The following ADARB1 variants were observed in gnomAD, a reference collection of about 807,000 sequenced individuals.
The protein encoded by ADARB1 is adenosine deaminase RNA specific B1.
ADARB1 carries 10 observed loss-of-function variants against 52.4 expected under a neutral mutation model. The observed-to-expected ratio is 0.19, with a 90% CI of 0.12 to 0.32. ADARB1 has a LOEUF of 0.32. ADARB1 is among the 10% of genes least tolerant of loss of function. The pLI is 1.00. For synonymous variants in ADARB1, 349 were observed against 371.1 expected (o/e 0.94, Z 0.68); for missense variants, 643 against 922.3 (o/e 0.70, Z 3.92).
At chr21:45,084,155 G>A (rs374430089) in intron 1 of ADARB1, among the ~76,000 whole-genome samples, 1 of 152,178 alleles carries the variant, frequency 6.6e-6, no homozygotes. Flanking sequence ...TGTAGAATGA[G>A]GGCAGTTGAA....
At chr21:45,193,936 TC>T (rs2092364616) in intron 8 of ADARB1, among the ~76,000 whole-genome samples, 1 of 152,146 alleles carries the variant, frequency 6.6e-6, no homozygotes, top group Admixed American at 6.5e-5. Context: ...GCAATCCTAA[TC>T]AAAATCTCAA....
chr21:45,161,505 GGCACCCCCAGACTTT>G (rs2090967059), intron 2 of ADARB1, among the ~76,000 whole-genome samples: 2 of 152,186 alleles, frequency 1.3e-5, no homozygotes, highest in African/African-American at 4.8e-5. Context: ...CTGCTGCCTC[GGCACCCCCAGACTTT>G]GGGTGCTGAC....
rs771516297 is a variant in ADARB1 at position 45,220,744 on chromosome 21, G to A, written c.1748-92G>A. On this transcript the variant is annotated intron_variant, in intron 9 of 10. Coordinates refer to ENST00000348831, the MANE Select transcript of ADARB1 (RefSeq NM_001112.4). The surrounding 1 kb of genome is among the most constrained non-coding windows in gnomAD (Gnocchi z 6.3). ...AATTCCCCCACCACGCACTTCTGTG[G>A]CCATGTCTGAGCACAGTGTGCCGCC... 7.2e-7 allele frequency: 1 copy of A among 1,385,832 alleles called. No homozygotes were observed. Among genetic ancestry groups the A allele is most frequent in the Non-Finnish European group, 1.0e-6 (1 of 995,608 alleles). The allele number at this position is 1,385,832 out of a possible 1,614,324, so 85.8% of individuals were successfully genotyped here. A position where few individuals can be genotyped will look rare whatever the true frequency, so the allele number is the denominator to read the frequency against.
intron 2 of ADARB1, among the ~76,000 whole-genome samples, chr21:45,168,598 T>C (rs760491920): frequency 2.0e-5 from 3 of 152,224 alleles, no homozygotes; most frequent in African/African-American, 7.2e-5. Flanking sequence ...CCAAAATCAG[T>C]TGGACATATT....
At chr21:45,203,380 C>G (rs1459854820) in intron 8 of ADARB1, among the ~76,000 whole-genome samples, 11 of 152,224 alleles carry the variant, frequency 7.2e-5, no homozygotes, top group Non-Finnish European at 1.6e-4. Flanking sequence ...CCCGCCCTTT[C>G]TCCCAAATTG....
At chr21:45,215,925 T>A (rs2092853980) in intron 9 of ADARB1, among the ~76,000 whole-genome samples, 1 of 152,212 alleles carries the variant, frequency 6.6e-6, no homozygotes, top group African/African-American at 2.4e-5. Context: ...TATGGTTAAA[T>A]TCACCAGTGA....
At chr21:45,090,367 C>A (rs1010152474) in intron 1 of ADARB1, among the ~76,000 whole-genome samples, 1 of 151,904 alleles carries the variant, frequency 6.6e-6, no homozygotes, top group African/African-American at 2.4e-5. Flanking sequence ...TCATTTTTTT[C>A]ATGTAGTTTA....
In ADARB1 at chr21:45,176,720, C is replaced by T. The variant is rs964474601; in HGVS notation, c.963+56C>T. ...GGGGTCATTGCTCTTGGTAATGCTTCTAGACAGCATTTTAGTTTCAGGATT... is the reference window on the plus strand; with the variant it reads ...GGGGTCATTGCTCTTGGTAATGCTTTTAGACAGCATTTTAGTTTCAGGATT... On this transcript the variant is annotated intron_variant, in intron 4 of 10. Transcript: ENST00000348831. This position sits in a 1 kb window ranked among gnomAD's most constrained non-coding sequence, Gnocchi z 5.8. 5.4e-6 allele frequency: 8 copies of T among 1,491,932 alleles called. 1 individual carries two copies. Among genetic ancestry groups the T allele is most frequent in the Non-Finnish European group, 7.2e-6 (8 of 1,106,088 alleles). The allele number at this position is 1,491,932 out of a possible 1,614,324, so 92.4% of individuals were successfully genotyped here.
intron 5 of ADARB1, 68 bp downstream of exon 5, chr21:45,180,512 T>C (rs2091892151): frequency 1.5e-6 from 2 of 1,342,986 alleles, no homozygotes; most frequent in Non-Finnish European, 2.1e-6. Context: ...ATGTTCTCAA[T>C]CGACAAAAAC....
chr21:45,176,281 T>C lies in ADARB1; in HGVS notation c.580T>C (p.Ser194Pro), dbSNP rs2091691756. 1 of 1,614,164 alleles carries C rather than the reference T, an allele frequency of 6.2e-7. No individual in the cohort carries two copies. The highest frequency in any genetic ancestry group is 8.5e-7 in the Non-Finnish European group (1 of 1,180,020). The stretch of plus-strand genomic sequence containing the variant: ...GGCGGAGCCTCCCTTTTACGTGGGC[T>C]CCAATGGGGATGACTCCTTCAGTTC... ...DKAEPPFYVG[S>P]NGDDSFSSSG... The change falls in exon 4 of 11, where the codon TCC (serine) becomes CCC (proline). Residue 194 changes from serine (S) to proline (P), a missense_variant. Ser to Pro is a moderately conservative substitution (Grantham distance 74, BLOSUM62 -1). Transcript: ENST00000348831. The surrounding 1 kb of genome is among the most constrained non-coding windows in gnomAD (Gnocchi z 5.8).
At chr21:45,151,534 T>C (rs2090289045) in intron 2 of ADARB1, among the ~76,000 whole-genome samples, 1 of 152,210 alleles carries the variant, frequency 6.6e-6, no homozygotes, top group Non-Finnish European at 1.5e-5. Context: ...CTTCTTCTGC[T>C]TGACTCCTCC....
At chr21:45,078,839 T>C (rs575999999) in intron 1 of ADARB1, among the ~76,000 whole-genome samples, 21 of 152,216 alleles carry the variant, frequency 1.4e-4, no homozygotes, top group Non-Finnish European at 8.8e-5. Context: ...TGCCAGGCTG[T>C]TTTAAGAGCT....
intron 1 of ADARB1, among the ~76,000 whole-genome samples, chr21:45,086,491 C>T (rs952591739): frequency 2.6e-5 from 4 of 152,170 alleles, no homozygotes; most frequent in Non-Finnish European, 5.9e-5. Context: ...GCAGTTGATT[C>T]GCGCACCCAG....
chr21:45,110,624 A>G (rs1204141786), intron 1 of ADARB1, among the ~76,000 whole-genome samples: 1 of 152,220 alleles, frequency 6.6e-6, no homozygotes, highest in Non-Finnish European at 1.5e-5. Context: ...GCATGTGTCA[A>G]TCCTTTTGGA....
At chr21:45,097,092 T>C (rs750655519) in intron 1 of ADARB1, among the ~76,000 whole-genome samples, 1 of 151,868 alleles carries the variant, frequency 6.6e-6, no homozygotes, top group Admixed American at 6.6e-5. Context: ...TCCGGTTTCT[T>C]TTTCTTGTTT....
At chr21:45,123,838 T>C (rs761433777) in intron 1 of ADARB1, among the ~76,000 whole-genome samples, 1 of 152,022 alleles carries the variant, frequency 6.6e-6, no homozygotes, top group Non-Finnish European at 1.5e-5. Flanking sequence ...TGGCCTCACG[T>C]GATCCTCCTG....
intron 6 of ADARB1, 96 bp downstream of exon 6, chr21:45,182,849 T>C: frequency 8.4e-7 from 1 of 1,197,430 alleles, no homozygotes; most frequent in South Asian, 1.7e-5. Context: ...TCTGTAATCA[T>C]GGAAAATCTC....
intron 9 of ADARB1, among the ~76,000 whole-genome samples, chr21:45,210,528 G>T (rs879577187): frequency 6.6e-6 from 1 of 152,200 alleles, no homozygotes; most frequent in Non-Finnish European, 1.5e-5. Flanking sequence ...ACTGACTGCC[G>T]TCCTCAGGCC....
At chr21:45,134,122 G>A (rs1237128649) in intron 2 of ADARB1, among the ~76,000 whole-genome samples, 1 of 111,448 alleles carries the variant, frequency 9.0e-6, no homozygotes, top group African/African-American at 3.5e-5. Context: ...TGGTGTGTGC[G>A]CCCGACGGGG....
Sources: allele counts gnomAD v4.1 joint callset (sites outside exome capture counted in the v4.1 genomes callset), GRCh38; gene constraint gnomAD v4.1.1; non-coding constraint Gnocchi (gnomAD v3.1); transcripts MANE v1.5; gene names NCBI Gene and HGNC (gene_info 2026-07-23, HGNC 2026-07-21).